The following ARHGAP42 variants were observed in gnomAD, a reference collection of about 807,000 sequenced individuals.
ARHGAP42 encodes rho GTPase-activating protein 42.
Under a neutral mutation model 125.0 loss-of-function variants are expected in ARHGAP42, and 63 were observed. The ratio of observed to expected loss-of-function variants is 0.50; its 90% confidence interval spans 0.41 to 0.62. The LOEUF is 0.62. Ranked by LOEUF, ARHGAP42 falls within the 20% of genes least tolerant of loss-of-function variation. The pLI is 0.00. For missense variants in ARHGAP42, 766 were observed against 1,024.2 expected (o/e 0.75, Z 3.44); for synonymous variants, 339 against 351.0 (o/e 0.97, Z 0.38).
chr11:100,974,342 C>T (rs753578080), intron 18 of ARHGAP42, 117 bp from the exon 19 acceptor site: 125 of 941,088 alleles, frequency 1.3e-4, no homozygotes, highest in Non-Finnish European at 1.8e-4. Flanking sequence ...GTTACAATTG[C>T]TCTAGGATAC....
chr11:100,736,764 A>T (rs1827433), intron 1 of ARHGAP42, among the ~76,000 whole-genome samples: 9,391 of 152,228 alleles, frequency 0.062, 330 homozygotes, highest in Middle Eastern at 0.088. Context: ...TCTTTTTTTT[A>T]AATTAAAAAT....
intron 3 of ARHGAP42, among the ~76,000 whole-genome samples, chr11:100,820,512 CTT>C (rs1328336357): frequency 2.0e-5 from 3 of 152,214 alleles, no homozygotes; most frequent in African/African-American, 7.2e-5. Context: ...ATTAAAGAAA[CTT>C]TAACTCCAGT....
chr11:100,891,116 C>T (rs753438213), intron 4 of ARHGAP42, among the ~76,000 whole-genome samples: 5 of 152,096 alleles, frequency 3.3e-5, no homozygotes, highest in Non-Finnish European at 7.4e-5. Context: ...ACAGACGCAA[C>T]CTTGAAAAAG....
At chr11:100,831,475 C>T (rs748280399) in intron 3 of ARHGAP42, among the ~76,000 whole-genome samples, 2 of 152,196 alleles carry the variant, frequency 1.3e-5, no homozygotes, top group South Asian at 4.1e-4. Context: ...ATAGGGTGTT[C>T]TTTTTTGAGA....
chr11:100,960,994 GT>G lies in ARHGAP42; in HGVS notation c.1300+9del. On this transcript the variant is annotated splice_donor_region_variant and intron_variant, in intron 14 of 23. Coordinates refer to ENST00000298815, the MANE Select transcript of ARHGAP42 (RefSeq NM_152432.4). ...AACTCATGAATACCACATTTTGTAAGTTTTGGATGAAGCAACTTACATAATT... is the reference window on the plus strand; with the variant it reads ...AACTCATGAATACCACATTTTGTAAGTTTGGATGAAGCAACTTACATAATT... The G allele has an allele frequency of 6.5e-7, 1 of 1,530,138 alleles. No homozygotes were observed. The highest frequency in any genetic ancestry group is 1.3e-5 in the South Asian group (1 of 78,858). 94.8% of individuals were successfully genotyped at this position (1,530,138 alleles called of 1,614,324 possible). A position where few individuals can be genotyped will look rare whatever the true frequency, so the allele number is the denominator to read the frequency against.
intron 7 of ARHGAP42, among the ~76,000 whole-genome samples, chr11:100,933,807 A>G (rs895412137): frequency 1.3e-5 from 2 of 151,554 alleles, no homozygotes; most frequent in Non-Finnish European, 2.9e-5. Context: ...TTTTTTTTTA[A>G]AGATGGAGCT....
intron 2 of ARHGAP42, among the ~76,000 whole-genome samples, chr11:100,792,001 C>T (rs1237254184): frequency 6.6e-6 from 1 of 152,150 alleles, no homozygotes; most frequent in Admixed American, 6.5e-5. Flanking sequence ...TTTAAGACAA[C>T]TTCACGATTT....
chr11:100,793,145 A>G (rs1320309865), intron 2 of ARHGAP42, among the ~76,000 whole-genome samples: 1 of 152,210 alleles, frequency 6.6e-6, no homozygotes, highest in East Asian at 1.9e-4. Flanking sequence ...TAGACCTGTT[A>G]TCATTGCCTT....
chr11:100,888,577 A>G (rs1866150047), intron 4 of ARHGAP42, among the ~76,000 whole-genome samples: 1 of 152,208 alleles, frequency 6.6e-6, no homozygotes, highest in Non-Finnish European at 1.5e-5. Flanking sequence ...GTGTCAAACG[A>G]TGTTGTTATT....
At chr11:100,743,102 A>G (rs1372589522) in intron 1 of ARHGAP42, among the ~76,000 whole-genome samples, 3 of 152,080 alleles carry the variant, frequency 2.0e-5, no homozygotes, top group African/African-American at 7.2e-5. Context: ...GTGCTTTCCA[A>G]TTATCATGTT....
intron 3 of ARHGAP42, among the ~76,000 whole-genome samples, chr11:100,802,428 T>C (rs75667893): frequency 4.7e-4 from 49 of 103,956 alleles, no homozygotes; most frequent in African/African-American, 6.6e-4. Context: ...TTCTTTCTTT[T>C]TTTTTTTTTT....
Position 100,703,232 on chromosome 11 carries a change from G to C in ARHGAP42, c.154+15400G>C, listed in dbSNP as rs76151625. Reference sequence around the variant, plus strand: ...CATCAGGAGTTAGAGCTTTGTTCCAGTGTTGGCATTGCCACTAACCAGTAT... The same window carrying C: ...CATCAGGAGTTAGAGCTTTGTTCCACTGTTGGCATTGCCACTAACCAGTAT... On this transcript the variant is annotated intron_variant, in intron 1 of 23. Transcript: ENST00000298815. 4.5e-3 allele frequency among the ~76,000 whole-genome samples: 678 copies of C among 152,234 alleles called. 6 individuals carry two copies. The highest frequency in any genetic ancestry group is 0.016 in the African/African-American group (654 of 41,534).
chr11:100,730,636 T>G (rs1253616273), intron 1 of ARHGAP42, among the ~76,000 whole-genome samples: 2 of 152,218 alleles, frequency 1.3e-5, no homozygotes, highest in African/African-American at 2.4e-5. Flanking sequence ...TTGCAAAATT[T>G]TAATTGCATT....
intron 19 of ARHGAP42, among the ~76,000 whole-genome samples, chr11:100,975,640 A>C (rs1858369311): frequency 6.6e-6 from 1 of 152,198 alleles, no homozygotes; most frequent in Non-Finnish European, 1.5e-5. Flanking sequence ...GAAAAGTAAA[A>C]GAAAGCAGAA....
chr11:100,907,483 T>A (rs966887626), intron 4 of ARHGAP42, among the ~76,000 whole-genome samples: 4 of 152,154 alleles, frequency 2.6e-5, no homozygotes, highest in African/African-American at 9.7e-5. Context: ...AGAAGCCATT[T>A]TGGGATGTCT....
At chr11:100,698,195 A>G (rs1861319735) in intron 1 of ARHGAP42, among the ~76,000 whole-genome samples, 2 of 152,100 alleles carry the variant, frequency 1.3e-5, no homozygotes, top group African/African-American at 4.8e-5. Flanking sequence ...TCAGCCTTCA[A>G]CTGTTTTAAA....
chr11:100,766,712 ATCATAACTTCTTTACCTTGATGGTTTT>A (rs1862838081), intron 1 of ARHGAP42, among the ~76,000 whole-genome samples: 1 of 152,230 alleles, frequency 6.6e-6, no homozygotes. Flanking sequence ...GCCAGAAAAT[ATCATAACTTCTTTACCTTGATGGTTTT>A]TTTGACCTCA....
Position 100,933,141 on chromosome 11 carries a change from T to A in ARHGAP42, c.598-15T>A, listed in dbSNP as rs112927258. The A allele has an allele frequency of 6.6e-7, 1 of 1,514,124 alleles. No individual in the cohort carries two copies. Among genetic ancestry groups the A allele is most frequent in the African/African-American group, 1.4e-5 (1 of 72,142 alleles). The allele number at this position is 1,514,124 out of a possible 1,614,324, so 93.8% of individuals were successfully genotyped here. A position where few individuals can be genotyped will look rare whatever the true frequency, so the allele number is the denominator to read the frequency against. ...AACACATTTTCATGGTTTCTTTATC[T>A]CTTTATCTTTGCAGCTTTTGTCATT... On this transcript the variant is annotated splice_polypyrimidine_tract_variant and intron_variant, in intron 6 of 23. Coordinates refer to ENST00000298815, the MANE Select transcript of ARHGAP42 (RefSeq NM_152432.4).
chr11:100,772,313 C>T (rs1349798342), intron 2 of ARHGAP42, among the ~76,000 whole-genome samples: 1 of 152,176 alleles, frequency 6.6e-6, no homozygotes, highest in Non-Finnish European at 1.5e-5. Context: ...GGTACAGAGT[C>T]CTTATACAAG....
Sources: gnomAD v4.1 joint callset for allele counts (sites outside exome capture counted in the v4.1 genomes callset) on GRCh38, gnomAD v4.1.1 for gene constraint, MANE v1.5 for transcripts, NCBI Gene and HGNC (gene_info 2026-07-23, HGNC 2026-07-21) for gene names.